The following DARS1 variants were observed in gnomAD, a reference collection of about 807,000 sequenced individuals.
The protein encoded by DARS1 is aspartate--tRNA ligase, cytoplasmic.
In DARS1, 51 loss-of-function variants were observed where a neutral mutation model predicts 68.8. The observed-to-expected ratio is 0.74, with a 90% CI of 0.59 to 0.94. The LOEUF is 0.94. Among genes scored for constraint, DARS1 ranks in the 40% least tolerant of loss-of-function variants. The pLI is 0.00. For missense variants in DARS1, 607 were observed against 597.3 expected (o/e 1.02, Z -0.17); for synonymous variants, 203 against 190.4 (o/e 1.07, Z -0.55).
Position 135,933,994 on chromosome 2 carries a change from T to TAAG in DARS1, c.424-7_424-5dup. 6.2e-7 allele frequency: 1 copy of TAAG among 1,610,372 alleles called. No homozygotes were observed. The highest frequency in any genetic ancestry group is 2.2e-5 in the East Asian group (1 of 44,802). Reference sequence around the variant, plus strand: ...CAGCCAAACTGATCACATAAATCTGTAAGTGAGAGATTACCAAAAATAGTA... The same window carrying TAAG: ...CAGCCAAACTGATCACATAAATCTGTAAGAAGTGAGAGATTACCAAAAATAGTA... On this transcript the variant is annotated splice_region_variant and splice_polypyrimidine_tract_variant and intron_variant, in intron 5 of 15. Coordinates refer to ENST00000264161, the MANE Select transcript of DARS1 (RefSeq NM_001349.4).
intron 1 of DARS1, 146 bp downstream of exon 1, chr2:135,985,257 G>A (rs926962953): frequency 3.7e-6 from 5 of 1,346,824 alleles, no homozygotes; most frequent in African/African-American, 1.5e-5. Flanking sequence ...CTGGGGCAAG[G>A]GCTCTAGGCG....
intron 3 of DARS1, among the ~76,000 whole-genome samples, chr2:135,966,000 G>T (rs555410134): frequency 6.6e-6 from 1 of 152,238 alleles, no homozygotes; most frequent in Admixed American, 6.5e-5. Context: ...GCTCTGGTTG[G>T]TGACACACCT....
chr2:135,928,788 G>A (rs1006673418), intron 7 of DARS1, among the ~76,000 whole-genome samples: 1 of 148,628 alleles, frequency 6.7e-6, no homozygotes, highest in South Asian at 2.1e-4. Flanking sequence ...ACAGGTGCCC[G>A]CCACCACGCC....
At chr2:135,923,932 G>A (rs759053369) in intron 8 of DARS1, among the ~76,000 whole-genome samples, 10 of 152,076 alleles carry the variant, frequency 6.6e-5, no homozygotes, top group African/African-American at 2.4e-4. Flanking sequence ...CAGGAGAATC[G>A]CTTGAACCTG....
intron 4 of DARS1, among the ~76,000 whole-genome samples, chr2:135,951,329 G>A (rs1455272411): frequency 1.3e-5 from 2 of 152,188 alleles, no homozygotes; most frequent in East Asian, 1.9e-4. Context: ...AGTGGGTCAT[G>A]TGTACTCTCA....
At chr2:135,929,874 G>A (rs1681305315) in intron 7 of DARS1, among the ~76,000 whole-genome samples, 1 of 152,160 alleles carries the variant, frequency 6.6e-6, no homozygotes, top group South Asian at 2.1e-4. Context: ...ATCAGTTAGT[G>A]GAGGCTGCCC....
Position 135,985,575 on chromosome 2 carries a change from G to C in DARS1, c.-107C>G, listed in dbSNP as rs774148880. Reference sequence around the variant, plus strand: ...CCAGTCTCCGCCCTCCCGACCCTGGGGTCTCAGCACACGCGCTCGGACTCC... The same window carrying C: ...CCAGTCTCCGCCCTCCCGACCCTGGCGTCTCAGCACACGCGCTCGGACTCC... On this transcript the variant is annotated 5_prime_UTR_variant, in exon 1 of 16. Transcript: ENST00000264161. The C allele has an allele frequency of 1.3e-5, 21 of 1,580,880 alleles. No individual in the cohort carries two copies. The highest frequency in any genetic ancestry group is 1.6e-5 in the Non-Finnish European group (19 of 1,163,046).
chr2:135,968,399 A>AT (rs1304671146), intron 3 of DARS1, among the ~76,000 whole-genome samples: 2 of 152,140 alleles, frequency 1.3e-5, no homozygotes, highest in African/African-American at 2.4e-5. Flanking sequence ...AAACAAACTT[A>AT]TTTTTTTAAA....
chr2:135,943,444 A>G lies in DARS1; in HGVS notation c.357T>C (p.Val119=). 1 of 1,613,674 alleles carries G rather than the reference A, an allele frequency of 6.2e-7. No individual in the cohort carries two copies. The highest frequency in any genetic ancestry group is 1.7e-5 in the Admixed American group (1 of 60,004). ...NKESIVDVEG[V]VRKVNQKIGS... ...CAATTTTCTGATTCACTTTTCTCAC[A>G]ACACCTTCTACATCCACAATGCTCT... The change falls in exon 5 of 16, where the codon GTT becomes GTC. Residue 119 remains valine (V), a synonymous_variant. Coordinates refer to ENST00000264161, the MANE Select transcript of DARS1 (RefSeq NM_001349.4).
intron 2 of DARS1, among the ~76,000 whole-genome samples, chr2:135,979,583 C>G (rs1682576644): frequency 1.3e-5 from 2 of 152,200 alleles, no homozygotes; most frequent in Non-Finnish European, 2.9e-5. Context: ...TAAAATCCGT[C>G]TATTTCTCTA....
chr2:135,932,916 A>G (rs550896869), intron 6 of DARS1, 74 bp from the exon 7 acceptor site: 1 of 750,264 alleles, frequency 1.3e-6, no homozygotes, highest in South Asian at 1.7e-5. Context: ...ATACTTTTAG[A>G]AGCCATGTTT....
chr2:135,930,627 G>C (rs957311000), intron 7 of DARS1, among the ~76,000 whole-genome samples: 7 of 152,158 alleles, frequency 4.6e-5, no homozygotes, highest in Admixed American at 2.0e-4. Flanking sequence ...TAAATATTTT[G>C]TAGACTAGCT....
At chr2:135,908,784 A>G (rs1558774492) in intron 15 of DARS1, among the ~76,000 whole-genome samples, 1 of 151,986 alleles carries the variant, frequency 6.6e-6, no homozygotes. Flanking sequence ...TTTTCTTGTA[A>G]ATTTGTTTAA....
intron 5 of DARS1, among the ~76,000 whole-genome samples, chr2:135,936,276 T>C (rs780590398): frequency 1.2e-4 from 19 of 152,374 alleles, no homozygotes; most frequent in Middle Eastern, 3.4e-3. Flanking sequence ...CTCTTCTGGC[T>C]TAAAATTTAT....
chr2:135,985,391 G>A lies in DARS1; in HGVS notation c.66+12C>T, dbSNP rs868080585. The stretch of plus-strand genomic sequence containing the variant: ...GTCTGTCCTCCCAGGCCCAGGAAAG[G>A]AGGAAACCCACTTCCGCCGCGTCCA... On this transcript the variant is annotated intron_variant, in intron 1 of 15. Coordinates refer to ENST00000264161, the MANE Select transcript of DARS1 (RefSeq NM_001349.4). 9 of 1,613,424 alleles carry A rather than the reference G, an allele frequency of 5.6e-6. No individual in the cohort carries two copies. In the Middle Eastern group the frequency reaches 1.5e-3, roughly 266 times the overall value.
In DARS1 at chr2:135,907,263, A is replaced by ATTTTTTTTTTTTTTT. The variant is rs1680805788; in HGVS notation, c.*52_*53insAAAAAAAAAAAAAAA. ...CTTTCTTTTTTTTTTTTTTTTTTTG[A>ATTTTTTTTTTTTTTT]GGCAGGGTCTCGCTCTGTCATCCAC... is the stretch of plus-strand genomic sequence containing the variant. On this transcript the variant is annotated 3_prime_UTR_variant, in exon 16 of 16. Coordinates refer to ENST00000264161, the MANE Select transcript of DARS1 (RefSeq NM_001349.4). The ATTTTTTTTTTTTTTT allele has an allele frequency of 3.6e-6, 1 of 280,304 alleles. No individual in the cohort carries two copies. The highest frequency in any genetic ancestry group is 5.7e-6 in the Non-Finnish European group (1 of 176,104). 17.4% of individuals were successfully genotyped at this position (280,304 alleles called of 1,614,324 possible). A position where few individuals can be genotyped will look rare whatever the true frequency, so the allele number is the denominator to read the frequency against.
At position 135,985,507 on chromosome 2, in the gene DARS1, G is replaced by A. The variant is rs948266940; in HGVS notation, c.-39C>T. ...TGGGCAGTGGACACCACCCTCCCTCGCAGGCTTCCGTAAGGCAGGCCAAAG... is the reference window on the plus strand; with the variant it reads ...TGGGCAGTGGACACCACCCTCCCTCACAGGCTTCCGTAAGGCAGGCCAAAG... On this transcript the variant is annotated 5_prime_UTR_variant, in exon 1 of 16. Transcript: ENST00000264161. The A allele has an allele frequency of 6.2e-7, 1 of 1,613,700 alleles. No individual in the cohort carries two copies. The highest frequency in any genetic ancestry group is 2.2e-5 in the East Asian group (1 of 44,876).
At chr2:135,935,094 G>A (rs1240259734) in intron 5 of DARS1, among the ~76,000 whole-genome samples, 1 of 151,992 alleles carries the variant, frequency 6.6e-6, no homozygotes, top group Non-Finnish European at 1.5e-5. Flanking sequence ...CGGCCATCTT[G>A]TTATTTTTAA....
chr2:135,957,202 C>G (rs1489369360), intron 4 of DARS1, among the ~76,000 whole-genome samples: 1 of 151,906 alleles, frequency 6.6e-6, no homozygotes, highest in African/African-American at 2.4e-5. Flanking sequence ...GTAGATGCGA[C>G]TACAGGTGCA....
Sources: gnomAD v4.1 joint callset for allele counts (sites outside exome capture counted in the v4.1 genomes callset) on GRCh38, gnomAD v4.1.1 for gene constraint, MANE v1.5 for transcripts, NCBI Gene and HGNC (gene_info 2026-07-23, HGNC 2026-07-21) for gene names.